Variants in LHFPL2 observed in about 807,000 individuals in gnomAD.
LHFPL2 encodes LHFPL tetraspan subfamily member 2.
A neutral mutation model predicts 17.5 loss-of-function variants in LHFPL2; 7 were observed. The ratio of observed to expected loss-of-function variants is 0.40; its 90% CI spans 0.23 to 0.75. The LOEUF (loss-of-function observed/expected upper bound fraction) is 0.75. Ranked by LOEUF, LHFPL2 falls within the 30% of genes least tolerant of loss-of-function variation. The probability of loss-of-function intolerance (pLI) is 0.37; values close to 1 mark genes in which losing one functional copy is unlikely to be tolerated. For missense variants in LHFPL2, 241 were observed against 294.8 expected (o/e 0.82, Z 1.34); for synonymous variants, 134 against 116.2 (o/e 1.15, Z -0.99).
At chr5:78,577,307 G>C (rs1757157794) in intron 2 of LHFPL2, among the ~76,000 whole-genome samples, 1 of 152,148 alleles carries the variant, frequency 6.6e-6, no homozygotes, top group South Asian at 2.1e-4. Flanking sequence ...GGCCATCTTG[G>C]TCAGCCTCCA....
chr5:78,521,698 G>T (rs1755463356), intron 3 of LHFPL2, among the ~76,000 whole-genome samples: 1 of 152,190 alleles, frequency 6.6e-6, no homozygotes, highest in Non-Finnish European at 1.5e-5. Flanking sequence ...TTGACAGGTG[G>T]GCTGAAAGCT....
intron 2 of LHFPL2, among the ~76,000 whole-genome samples, chr5:78,601,275 G>A (rs940879086): frequency 4.6e-5 from 7 of 152,168 alleles, no homozygotes; most frequent in African/African-American, 1.4e-4. Context: ...ATCTTTTCTC[G>A]AAGGGATGAT....
In LHFPL2 at chr5:78,648,427, G is replaced by A. The variant is rs1301377123; in HGVS notation, c.-350+72C>T. On this transcript the variant is annotated intron_variant, in intron 1 of 4. Coordinates refer to ENST00000380345, the MANE Select transcript of LHFPL2 (RefSeq NM_005779.3). This position sits in a 1 kb window ranked among gnomAD's most constrained non-coding sequence, Gnocchi z 5.4. Reference sequence around the variant, plus strand: ...CAACGGCTCCCCATGCGCCCGCGCGGGGCGCCCACCTGGCCGGGCCCACCG... The same window carrying A: ...CAACGGCTCCCCATGCGCCCGCGCGAGGCGCCCACCTGGCCGGGCCCACCG... The A allele has an allele frequency of 6.6e-6, 1 of 151,724 alleles. No homozygotes were observed. The highest frequency in any genetic ancestry group is 2.4e-5 in the African/African-American group (1 of 41,370). The allele number at this position is 151,724 out of a possible 1,614,324, so 9.4% of individuals were successfully genotyped here. A position where few individuals can be genotyped will look rare whatever the true frequency, so the allele number is the denominator to read the frequency against.
chr5:78,548,368 G>A (rs562669446), intron 3 of LHFPL2, among the ~76,000 whole-genome samples: 27 of 152,318 alleles, frequency 1.8e-4, no homozygotes, highest in Middle Eastern at 3.4e-3. Flanking sequence ...TCCAGCCTCC[G>A]TGGGGAGCGC....
intron 4 of LHFPL2, among the ~76,000 whole-genome samples, chr5:78,508,658 G>A (rs2112319481): frequency 6.6e-6 from 1 of 152,292 alleles, no homozygotes; most frequent in South Asian, 2.1e-4. Context: ...GAATTCGTTT[G>A]GGGGCTGCTG....
At chr5:78,531,419 CAAAA>C (rs11445485) in intron 3 of LHFPL2, among the ~76,000 whole-genome samples, 9 of 116,258 alleles carry the variant, frequency 7.7e-5, no homozygotes, top group Admixed American at 1.7e-4. Context: ...AACTCCATCT[CAAAA>C]AAAAAAAAAA....
intron 2 of LHFPL2, among the ~76,000 whole-genome samples, chr5:78,609,901 G>A (rs1744358098): frequency 6.6e-6 from 1 of 151,872 alleles, no homozygotes; most frequent in Admixed American, 6.6e-5. Flanking sequence ...TTATTTATAG[G>A]ATGAAAATTC....
At chr5:78,558,663 A>C (rs564695545) in intron 3 of LHFPL2, among the ~76,000 whole-genome samples, 1 of 152,292 alleles carries the variant, frequency 6.6e-6, no homozygotes, top group South Asian at 2.1e-4. Context: ...GGGAGATCCA[A>C]AACATCCCTG....
chr5:78,599,232 C>T lies in LHFPL2; in HGVS notation c.-245+33032G>A, dbSNP rs565679952. ...AATGTAAATTGTACTTTGTTAGAGA[C>T]GACCATGATTACTAGATATAAAAAC... On this transcript the variant is annotated intron_variant, in intron 2 of 4. Coordinates refer to ENST00000380345, the MANE Select transcript of LHFPL2 (RefSeq NM_005779.3). Among the ~76,000 whole-genome samples, 4 of 152,092 alleles carry T rather than the reference C, an allele frequency of 2.6e-5. No individual in the cohort carries two copies. In the South Asian group the frequency reaches 6.2e-4, roughly 24 times the overall value.
At chr5:78,547,086 T>C (rs938416746) in intron 3 of LHFPL2, among the ~76,000 whole-genome samples, 1 of 151,710 alleles carries the variant, frequency 6.6e-6, no homozygotes, top group African/African-American at 2.4e-5. Flanking sequence ...GCTCCTAAAA[T>C]GTCCCTAGAA....
chr5:78,540,030 G>A (rs553335425), intron 3 of LHFPL2, among the ~76,000 whole-genome samples: 3 of 152,240 alleles, frequency 2.0e-5, no homozygotes, highest in South Asian at 4.1e-4. Flanking sequence ...GGCCTCCAGA[G>A]GTGACTGGCA....
chr5:78,578,672 C>T (rs547882840), intron 2 of LHFPL2, among the ~76,000 whole-genome samples: 1 of 151,916 alleles, frequency 6.6e-6, no homozygotes, highest in Non-Finnish European at 1.5e-5. Flanking sequence ...AGAGCCTCTG[C>T]CTAGAGACAT....
In LHFPL2 at chr5:78,642,978, C is replaced by T. The variant is rs147833964; in HGVS notation, c.-350+5521G>A. ...CTCCCAGCTCACCTTGTTCCCCCCC[C>T]TCCTTGTTACCTAGCCCACCTTATG... On this transcript the variant is annotated intron_variant, in intron 1 of 4. Coordinates refer to ENST00000380345, the MANE Select transcript of LHFPL2 (RefSeq NM_005779.3). Among the ~76,000 whole-genome samples the T allele has an allele frequency of 2.7e-4, 41 of 152,288 alleles. No individual in the cohort carries two copies. In the East Asian group the frequency reaches 4.1e-3, roughly 15 times the overall value.
intron 1 of LHFPL2, among the ~76,000 whole-genome samples, chr5:78,636,209 T>A (rs1754716671): frequency 6.6e-6 from 1 of 152,214 alleles, no homozygotes; most frequent in South Asian, 2.1e-4. Context: ...TTGCATACTC[T>A]GATCCTGAGA....
At chr5:78,601,848 C>T (rs1205694458) in intron 2 of LHFPL2, among the ~76,000 whole-genome samples, 1 of 152,182 alleles carries the variant, frequency 6.6e-6, no homozygotes, top group Non-Finnish European at 1.5e-5. Context: ...GTTCATCCTG[C>T]ACTGGAAACA....
chr5:78,525,131 C>CA (rs1365280703), intron 3 of LHFPL2, among the ~76,000 whole-genome samples: 2 of 152,198 alleles, frequency 1.3e-5, no homozygotes, highest in Admixed American at 6.5e-5. Flanking sequence ...TGGCCAAAAA[C>CA]AATGTCTTTA....
intron 3 of LHFPL2, among the ~76,000 whole-genome samples, chr5:78,550,980 C>T (rs1386197288): frequency 6.6e-6 from 1 of 152,168 alleles, no homozygotes; most frequent in Non-Finnish European, 1.5e-5. Flanking sequence ...TGATTCTTAC[C>T]TCATTCACTA....
Position 78,622,813 on chromosome 5 carries a change from G to A in LHFPL2, c.-245+9451C>T, listed in dbSNP as rs185859500. Among the ~76,000 whole-genome samples, 5 of 152,320 alleles carry A rather than the reference G, an allele frequency of 3.3e-5. No homozygotes were observed. In the East Asian group the frequency reaches 7.7e-4, roughly 24 times the overall value. On this transcript the variant is annotated intron_variant, in intron 2 of 4. Transcript: ENST00000380345. ...AGATTCAGGGTGAGCTGGGCTGCTT[G>A]TGAGGTACAACTGGGATCCAGAAAA...
intron 3 of LHFPL2, among the ~76,000 whole-genome samples, chr5:78,535,022 G>A (rs1001505116): frequency 4.6e-5 from 7 of 152,210 alleles, no homozygotes; most frequent in African/African-American, 1.7e-4. Context: ...CAAGTTTGTT[G>A]GAATGTACGG....
Sources: allele counts gnomAD v4.1 joint callset (sites outside exome capture counted in the v4.1 genomes callset), GRCh38; gene constraint gnomAD v4.1.1; non-coding constraint Gnocchi (gnomAD v3.1); transcripts MANE v1.5; gene names NCBI Gene and HGNC (gene_info 2026-07-23, HGNC 2026-07-21).